The following DNAJC5 variants were observed in gnomAD, a reference collection of about 807,000 sequenced individuals.
The protein encoded by DNAJC5 is dnaJ homolog subfamily C member 5.
In DNAJC5, 1 loss-of-function variant was observed where a neutral mutation model predicts 23.2. That is an observed-to-expected ratio of 0.04 (90% confidence interval 0.02 to 0.20). The LOEUF is 0.20. Among genes scored for constraint, DNAJC5 ranks in the 10% least tolerant of loss-of-function variants. The pLI is 1.00. For synonymous variants in DNAJC5, 136 were observed against 120.0 expected (o/e 1.13, Z -0.87); for missense variants, 180 against 267.0 (o/e 0.67, Z 2.27).
At chr20:63,911,817 G>A (rs1275597513) in intron 1 of DNAJC5, among the ~76,000 whole-genome samples, 1 of 151,880 alleles carries the variant, frequency 6.6e-6, no homozygotes, top group Non-Finnish European at 1.5e-5. Context: ...GGGACCACAG[G>A]TGTGCACCAT....
chr20:63,906,638 C>T (rs1017882525), intron 1 of DNAJC5, among the ~76,000 whole-genome samples: 12 of 151,484 alleles, frequency 7.9e-5, no homozygotes, highest in African/African-American at 1.5e-4. Context: ...CAAAAAAAGC[C>T]GGGTGTGATG....
At chr20:63,919,284 A>G (rs1353536264) in intron 1 of DNAJC5, among the ~76,000 whole-genome samples, 2 of 152,238 alleles carry the variant, frequency 1.3e-5, no homozygotes, top group Non-Finnish European at 2.9e-5. Context: ...CTGAGTCCCC[A>G]GCTCTGAGAA....
Position 63,920,417 on chromosome 20 carries a change from C to T in DNAJC5, c.-11-7918C>T, listed in dbSNP as rs1425327345. Among the ~76,000 whole-genome samples, 2 of 142,114 alleles carry T rather than the reference C, an allele frequency of 1.4e-5. No individual in the cohort carries two copies. The highest frequency in any genetic ancestry group is 3.0e-5 in the Non-Finnish European group (2 of 66,918). The allele number at this position is 142,114 out of a possible 152,430, so 93.2% of individuals were successfully genotyped here. On this transcript the variant is annotated intron_variant, in intron 1 of 4. Coordinates refer to ENST00000360864, the MANE Select transcript of DNAJC5 (RefSeq NM_025219.3). The surrounding 1 kb of genome is among the most constrained non-coding windows in gnomAD (Gnocchi z 4.6). Reference sequence around the variant, plus strand: ...CAGCAGGGCTCTCGTCCGCCAACGTCTGGTGGGGATGCCCGCCATGCGGGG... The same window carrying T: ...CAGCAGGGCTCTCGTCCGCCAACGTTTGGTGGGGATGCCCGCCATGCGGGG...
At chr20:63,926,737 C>A (rs1216595962) in intron 1 of DNAJC5, among the ~76,000 whole-genome samples, 1 of 152,184 alleles carries the variant, frequency 6.6e-6, no homozygotes, top group South Asian at 2.1e-4. Context: ...ATTCGGGACC[C>A]CCGTGGACTG....
chr20:63,919,175 G>C (rs1049792922), intron 1 of DNAJC5, among the ~76,000 whole-genome samples: 3 of 152,200 alleles, frequency 2.0e-5, no homozygotes, highest in African/African-American at 7.2e-5. Context: ...GCATGGACCT[G>C]CTAGACTGCA....
At chr20:63,902,306 G>A (rs1321358704) in intron 1 of DNAJC5, among the ~76,000 whole-genome samples, 1 of 151,234 alleles carries the variant, frequency 6.6e-6, no homozygotes, top group African/African-American at 2.4e-5. Context: ...CGCCCAGCTC[G>A]GCCTCCGAAA....
In DNAJC5 at chr20:63,928,228, G is replaced by A. The variant is rs1002950515; in HGVS notation, c.-11-107G>A. 4 of 908,576 alleles carry A rather than the reference G, an allele frequency of 4.4e-6. No homozygotes were observed. The African/African-American group carries it at 4.9e-5, about 11-fold the overall frequency. The allele number at this position is 908,576 out of a possible 1,614,324, so 56.3% of individuals were successfully genotyped here. A position where few individuals can be genotyped will look rare whatever the true frequency, so the allele number is the denominator to read the frequency against. On this transcript the variant is annotated intron_variant, in intron 1 of 4. Transcript: ENST00000360864. The surrounding 1 kb of genome is among the most constrained non-coding windows in gnomAD (Gnocchi z 4.6). ...CACGTGGCAAACTCCACAAGGCAGT[G>A]TTGGATTCTTTTGCTTTGAACGGTC...
intron 1 of DNAJC5, among the ~76,000 whole-genome samples, chr20:63,912,782 A>G (rs1023731614): frequency 6.6e-6 from 1 of 151,826 alleles, no homozygotes; most frequent in Non-Finnish European, 1.5e-5. Context: ...TAATTTTTGT[A>G]TTTTTTAGTT....
chr20:63,904,109 T>C (rs1366562362), intron 1 of DNAJC5, among the ~76,000 whole-genome samples: 1 of 152,166 alleles, frequency 6.6e-6, no homozygotes, highest in Non-Finnish European at 1.5e-5. Context: ...CCGTGGTTTG[T>C]TGAACAGGTG....
chr20:63,914,261 A>C (rs550358231), intron 1 of DNAJC5, among the ~76,000 whole-genome samples: 15 of 152,332 alleles, frequency 9.8e-5, no homozygotes, highest in African/African-American at 3.6e-4. Context: ...TGGAATGCTT[A>C]TGTTGAAATA....
At chr20:63,930,729 T>C in intron 3 of DNAJC5, 122 bp from the exon 4 acceptor site, 2 of 1,472,834 alleles carry the variant, frequency 1.4e-6, no homozygotes, top group Non-Finnish European at 1.9e-6. Flanking sequence ...GCTTCCTGTC[T>C]GGAAGGCAGT....
chr20:63,900,455 GT>G, intron 1 of DNAJC5, among the ~76,000 whole-genome samples: 1 of 151,774 alleles, frequency 6.6e-6, no homozygotes, highest in Admixed American at 6.6e-5. Context: ...ACATGCAGCT[GT>G]AGTCCCAGCT....
rs113258585 is a variant in DNAJC5 at position 63,919,760 on chromosome 20, C to G, written c.-11-8575C>G. On this transcript the variant is annotated intron_variant, in intron 1 of 4. Transcript: ENST00000360864. ...GGAAGAGGACGCACCCGGCTGTGTG[C>G]ACATGTGCCCAGGGCCCGGGACAGC... 131 of 382,206 alleles carry G rather than the reference C, an allele frequency of 3.4e-4. 11 individuals are homozygous for G. Among genetic ancestry groups the G allele is most frequent in the East Asian group, 3.3e-3 (35 of 10,636 alleles). The allele number at this position is 382,206 out of a possible 1,614,324, so 23.7% of individuals were successfully genotyped here.
intron 1 of DNAJC5, among the ~76,000 whole-genome samples, chr20:63,924,241 G>C (rs1043611895): frequency 2.6e-5 from 4 of 152,130 alleles, no homozygotes; most frequent in Non-Finnish European, 2.9e-5. Context: ...TTAGGGTTAG[G>C]CTTCTGTCAA....
At chr20:63,926,478 A>G (rs2053617251) in intron 1 of DNAJC5, among the ~76,000 whole-genome samples, 2 of 152,232 alleles carry the variant, frequency 1.3e-5, no homozygotes, top group Non-Finnish European at 2.9e-5. Context: ...GGCCTTGATT[A>G]ACGTGTTGTA....
chr20:63,903,186 G>C (rs1280012470), intron 1 of DNAJC5, among the ~76,000 whole-genome samples: 1 of 151,772 alleles, frequency 6.6e-6, no homozygotes, highest in African/African-American at 2.4e-5. Context: ...TGCCCAGGTT[G>C]GCCTTCCTGG....
At chr20:63,918,821 C>G (rs1259730885) in intron 1 of DNAJC5, among the ~76,000 whole-genome samples, 1 of 152,208 alleles carries the variant, frequency 6.6e-6, no homozygotes, top group Non-Finnish European at 1.5e-5. Flanking sequence ...GTCTCGATCT[C>G]CTGACCTTGT....
chr20:63,926,372 G>T (rs745778281), intron 1 of DNAJC5, among the ~76,000 whole-genome samples: 1 of 152,166 alleles, frequency 6.6e-6, no homozygotes, highest in Non-Finnish European at 1.5e-5. Flanking sequence ...GAAGTTATCT[G>T]TTTGTTTTCA....
chr20:63,930,175 G>A (rs2053655450), intron 3 of DNAJC5, among the ~76,000 whole-genome samples: 1 of 152,174 alleles, frequency 6.6e-6, no homozygotes. Flanking sequence ...TCCTTATAAA[G>A]TACTTTTTAT....
Sources: gnomAD v4.1 joint callset for allele counts (sites outside exome capture counted in the v4.1 genomes callset) on GRCh38, gnomAD v4.1.1 for gene constraint, Gnocchi (gnomAD v3.1) non-coding constraint, MANE v1.5 for transcripts, NCBI Gene and HGNC (gene_info 2026-07-23, HGNC 2026-07-21) for gene names.